ZNF704: variants seen among roughly 807,000 people sequenced by gnomAD.
ZNF704 encodes zinc finger protein 704.
A neutral mutation model predicts 44.7 loss-of-function variants in ZNF704; 10 were observed. That is an observed-to-expected ratio of 0.22 (90% CI 0.14 to 0.38). The LOEUF (loss-of-function observed/expected upper bound fraction) is 0.38. ZNF704 is among the 10% of genes least tolerant of loss of function. The pLI is 1.00. For missense variants in ZNF704, 390 were observed against 545.5 expected (o/e 0.71, Z 2.84); for synonymous variants, 211 against 207.6 (o/e 1.02, Z -0.14).
At chr8:80,880,325 A>G in the ZNF704 span, among the ~76,000 whole-genome samples, 8 of 152,298 alleles carry the variant, frequency 5.3e-5, no homozygotes, top group African/African-American at 1.4e-4. Flanking sequence ...GCACCAAACC[A>G]TGTAGTTCAA....
At chr8:80,694,698 T>A (rs1389424765) in intron 2 of ZNF704, among the ~76,000 whole-genome samples, 1 of 152,226 alleles carries the variant, frequency 6.6e-6, no homozygotes, top group Non-Finnish European at 1.5e-5. Flanking sequence ...CTCAATTAAT[T>A]TCATCATGAA....
intron 7 of ZNF704, among the ~76,000 whole-genome samples, chr8:80,647,013 A>C (rs888144885): frequency 9.2e-5 from 14 of 152,210 alleles, no homozygotes; most frequent in African/African-American, 2.7e-4. Flanking sequence ...TTTTGCATGA[A>C]GTGATATGAG....
chr8:80,711,378 C>A (rs1456540794), intron 2 of ZNF704, among the ~76,000 whole-genome samples: 2 of 152,096 alleles, frequency 1.3e-5, no homozygotes, highest in Non-Finnish European at 2.9e-5. Context: ...TTTGTCACAT[C>A]CACTAAGAAT....
intron 1 of ZNF704, among the ~76,000 whole-genome samples, chr8:80,863,475 T>C (rs979462298): frequency 2.0e-5 from 3 of 152,230 alleles, no homozygotes; most frequent in African/African-American, 7.2e-5. Context: ...CCAAATGTTT[T>C]CTGAAATGTT....
intron 2 of ZNF704, among the ~76,000 whole-genome samples, chr8:80,800,710 C>T (rs1432546896): frequency 1.3e-5 from 2 of 152,146 alleles, no homozygotes; most frequent in Non-Finnish European, 2.9e-5. Flanking sequence ...CAAAAACACA[C>T]TGAAGTACAC....
chr8:80,656,893 T>C (rs1385752888), intron 7 of ZNF704, among the ~76,000 whole-genome samples: 1 of 152,246 alleles, frequency 6.6e-6, no homozygotes, highest in Non-Finnish European at 1.5e-5. Context: ...AATATTTCTC[T>C]GTTCTTCAGT....
chr8:80,741,180 G>A (rs1341347839), intron 2 of ZNF704, among the ~76,000 whole-genome samples: 2 of 152,168 alleles, frequency 1.3e-5, no homozygotes, highest in African/African-American at 4.8e-5. Context: ...AAATAGTCAG[G>A]CCATTAAATA....
In ZNF704 at chr8:80,726,238, T is replaced by TTTTC. The variant is rs538040773; in HGVS notation, c.222-33135_222-33132dup. Reference sequence around the variant, plus strand: ...AATGATAAAAATAAATTTGCAATTTTTTTCTTACTGCATAAATATCAACAC... The same window carrying TTTTC: ...AATGATAAAAATAAATTTGCAATTTTTTTCTTTCTTACTGCATAAATATCAACAC... On this transcript the variant is annotated intron_variant, in intron 2 of 8. Coordinates refer to ENST00000327835, the MANE Select transcript of ZNF704 (RefSeq NM_001033723.3). 1.2e-4 allele frequency among the ~76,000 whole-genome samples: 18 copies of TTTTC among 152,298 alleles called. No homozygotes were observed. In the South Asian group the frequency reaches 3.5e-3, roughly 30 times the overall value.
upstream of ZNF704, among the ~76,000 whole-genome samples, chr8:80,878,485 G>A (rs1457778384): frequency 6.6e-6 from 1 of 152,126 alleles, no homozygotes; most frequent in Non-Finnish European, 1.5e-5. Context: ...TTAATAGTTG[G>A]ATTTGTTGAG....
chr8:80,652,147 C>G (rs536928278), intron 7 of ZNF704, among the ~76,000 whole-genome samples: 1 of 152,318 alleles, frequency 6.6e-6, no homozygotes, highest in South Asian at 2.1e-4. Context: ...ATACCAGAAT[C>G]TCTGGGTCAC....
intron 2 of ZNF704, among the ~76,000 whole-genome samples, chr8:80,780,836 G>A (rs554615761): frequency 6.6e-6 from 1 of 152,194 alleles, no homozygotes; most frequent in South Asian, 2.1e-4. Context: ...CTGGCCTCCA[G>A]AACTGTGAAA....
chr8:80,764,851 T>C (rs767078367), intron 2 of ZNF704, among the ~76,000 whole-genome samples: 117 of 152,342 alleles, frequency 7.7e-4, no homozygotes, highest in Non-Finnish European at 1.6e-3. Flanking sequence ...CATTTTGTTA[T>C]AAGAAATACA....
At chr8:80,851,977 A>G (rs1586075475) in intron 1 of ZNF704, among the ~76,000 whole-genome samples, 2 of 152,168 alleles carry the variant, frequency 1.3e-5, no homozygotes, top group Middle Eastern at 3.4e-3. Flanking sequence ...AGGACTGAGG[A>G]AAAAAAAGTC....
chr8:80,711,859 C>T (rs546226026), intron 2 of ZNF704, among the ~76,000 whole-genome samples: 1 of 152,278 alleles, frequency 6.6e-6, no homozygotes, highest in Admixed American at 6.5e-5. Context: ...GCTCACAGCA[C>T]CCACTGTCTC....
intron 2 of ZNF704, among the ~76,000 whole-genome samples, chr8:80,777,554 T>A (rs879418774): frequency 6.6e-6 from 1 of 152,114 alleles, no homozygotes; most frequent in African/African-American, 2.4e-5. Flanking sequence ...ACACAACACA[T>A]GCATATACAC....
intron 4 of ZNF704, among the ~76,000 whole-genome samples, chr8:80,680,295 C>T (rs556316049): frequency 6.6e-5 from 10 of 151,890 alleles, no homozygotes; most frequent in Non-Finnish European, 1.3e-4. Flanking sequence ...AGCACATGAA[C>T]GTCACTTTAT....
In ZNF704 at chr8:80,629,219, T is replaced by A. The variant is rs1817547425; in HGVS notation, c.*12147A>T. 6.6e-6 allele frequency: 1 copy of A among 152,158 alleles called. No homozygotes were observed. Among genetic ancestry groups the A allele is most frequent in the Non-Finnish European group, 1.5e-5 (1 of 68,016 alleles). The allele number at this position is 152,158 out of a possible 1,614,324, so 9.4% of individuals were successfully genotyped here. A position where few individuals can be genotyped will look rare whatever the true frequency, so the allele number is the denominator to read the frequency against. Reference sequence around the variant, plus strand: ...GGAGCATGGCTGTGGAGCAGTCAGGTGAAAGGTTTATCAACCTGAACCTCC... The same window carrying A: ...GGAGCATGGCTGTGGAGCAGTCAGGAGAAAGGTTTATCAACCTGAACCTCC... On this transcript the variant is annotated 3_prime_UTR_variant, in exon 9 of 9. Transcript: ENST00000327835.
chr8:80,753,689 T>A (rs563458449), intron 2 of ZNF704, among the ~76,000 whole-genome samples: 1 of 152,252 alleles, frequency 6.6e-6, no homozygotes, highest in East Asian at 1.9e-4. Context: ...AAGGAAGCAA[T>A]GAAGCAAATT....
At chr8:80,758,688 C>T (rs1271093818) in intron 2 of ZNF704, among the ~76,000 whole-genome samples, 2 of 152,108 alleles carry the variant, frequency 1.3e-5, no homozygotes, top group Non-Finnish European at 2.9e-5. Flanking sequence ...ATCAAAACCA[C>T]ATAAGGTAGG....
Sources: allele counts gnomAD v4.1 joint callset (sites outside exome capture counted in the v4.1 genomes callset), GRCh38; gene constraint gnomAD v4.1.1; transcripts MANE v1.5; gene names NCBI Gene and HGNC (gene_info 2026-07-23, HGNC 2026-07-21).